TMEM163: variants seen among roughly 807,000 people sequenced by gnomAD.
TMEM163 encodes the protein transmembrane protein 163.
TMEM163 carries 17 observed loss-of-function variants against 29.3 expected under a neutral mutation model. That is an observed-to-expected ratio of 0.58 (90% CI 0.40 to 0.87). TMEM163 has a LOEUF of 0.87. Ranked by LOEUF, TMEM163 falls within the 40% of genes least tolerant of loss-of-function variation. The pLI is 0.00. For missense variants in TMEM163, 303 were observed against 381.5 expected (o/e 0.79, Z 1.71); for synonymous variants, 157 against 160.6 (o/e 0.98, Z 0.17).
At chr2:134,517,596 T>C (rs1680103163) in intron 4 of TMEM163, among the ~76,000 whole-genome samples, 2 of 152,190 alleles carry the variant, frequency 1.3e-5, no homozygotes, top group Admixed American at 6.5e-5. Context: ...CTGGATTCAC[T>C]AAACTGGAAG....
intron 2 of TMEM163, among the ~76,000 whole-genome samples, chr2:134,611,857 G>C (rs1307234460): frequency 1.3e-5 from 2 of 152,134 alleles, no homozygotes; most frequent in Non-Finnish European, 2.9e-5. Flanking sequence ...GGGGGAAACA[G>C]GCAAAAACGA....
At chr2:134,579,573 T>C (rs1055265918) in intron 2 of TMEM163, among the ~76,000 whole-genome samples, 3 of 152,202 alleles carry the variant, frequency 2.0e-5, no homozygotes, top group African/African-American at 4.8e-5. Context: ...TCCATCCTTT[T>C]TTTTCTTTTT....
chr2:134,650,460 G>A (rs1034263610), intron 2 of TMEM163, among the ~76,000 whole-genome samples: 4 of 151,066 alleles, frequency 2.6e-5, no homozygotes, highest in Non-Finnish European at 5.9e-5. Flanking sequence ...AATGAAGACA[G>A]AGAATCTGAC....
rs568577506 is a variant in TMEM163 at position 134,708,866 on chromosome 2, C to T, written c.322+4334G>A. 7.2e-5 allele frequency among the ~76,000 whole-genome samples: 11 copies of T among 152,226 alleles called. No homozygotes were observed. In the East Asian group the frequency reaches 1.5e-3, roughly 21 times the overall value. On this transcript the variant is annotated intron_variant, in intron 2 of 7. Transcript: ENST00000281924. The stretch of plus-strand genomic sequence containing the variant: ...GCCTCCAAAGTGCTGGGATTACAAG[C>T]ATGAGCCATCGCTCCCAGCCAGCTG...
intron 2 of TMEM163, among the ~76,000 whole-genome samples, chr2:134,617,186 C>T (rs376731892): frequency 1.4e-4 from 21 of 152,172 alleles, no homozygotes; most frequent in African/African-American, 4.8e-4. Context: ...ACAAATGGAA[C>T]TATTTGAGGC....
intron 6 of TMEM163, 33 bp downstream of exon 6, chr2:134,466,081 C>A: frequency 6.6e-7 from 1 of 1,514,402 alleles, no homozygotes; most frequent in Non-Finnish European, 9.1e-7. Flanking sequence ...GTGAGCCCAG[C>A]CCCCAGAGAT....
chr2:134,600,402 G>A lies in TMEM163; in HGVS notation c.323-48311C>T, dbSNP rs185192282. ...AATCTAATACCTGAGGGCCTATTAC[G>A]TAACACTTGCCTCCAGATCCATTTC... is the stretch of plus-strand genomic sequence containing the variant. On this transcript the variant is annotated intron_variant, in intron 2 of 7. Transcript: ENST00000281924. 1.3e-3 allele frequency among the ~76,000 whole-genome samples: 196 copies of A among 152,300 alleles called. 1 individual carries two copies. The highest frequency in any genetic ancestry group is 4.4e-3 in the African/African-American group (182 of 41,554).
At chr2:134,580,236 G>T (rs1035569031) in intron 2 of TMEM163, among the ~76,000 whole-genome samples, 3 of 152,340 alleles carry the variant, frequency 2.0e-5, no homozygotes, top group South Asian at 4.1e-4. Flanking sequence ...AAGGTGAAGA[G>T]AGTTAGAATT....
chr2:134,496,478 C>T (rs1679563778), intron 5 of TMEM163, among the ~76,000 whole-genome samples: 1 of 152,214 alleles, frequency 6.6e-6, no homozygotes, highest in African/African-American at 2.4e-5. Flanking sequence ...GCAGAGCCAG[C>T]CTGGCCTCAA....
At chr2:134,493,738 T>G (rs138546301) in intron 5 of TMEM163, among the ~76,000 whole-genome samples, 1 of 152,218 alleles carries the variant, frequency 6.6e-6, no homozygotes, top group East Asian at 1.9e-4. Context: ...TTTTGTTTTC[T>G]TCTAGAAGTT....
intron 5 of TMEM163, among the ~76,000 whole-genome samples, chr2:134,483,254 G>A (rs1446290323): frequency 6.6e-6 from 1 of 152,172 alleles, no homozygotes; most frequent in Non-Finnish European, 1.5e-5. Context: ...CGGAATCTGA[G>A]ATGAGCCACC....
At chr2:134,594,216 G>A (rs912063994) in intron 2 of TMEM163, among the ~76,000 whole-genome samples, 7 of 150,846 alleles carry the variant, frequency 4.6e-5, no homozygotes, top group Non-Finnish European at 1.0e-4. Flanking sequence ...GATGGGCCTG[G>A]AAAGAGTGAA....
chr2:134,585,788 C>T (rs1681810824), intron 2 of TMEM163, among the ~76,000 whole-genome samples: 1 of 151,476 alleles, frequency 6.6e-6, no homozygotes, highest in Non-Finnish European at 1.5e-5. Flanking sequence ...AGAGTCCATG[C>T]TCAATGAATG....
At chr2:134,568,319 G>C (rs996853122) in intron 2 of TMEM163, among the ~76,000 whole-genome samples, 1 of 152,158 alleles carries the variant, frequency 6.6e-6, no homozygotes, top group African/African-American at 2.4e-5. Context: ...GAGGTCAGGA[G>C]TTTGAAACCA....
At chr2:134,518,087 G>A (rs1680114144) in intron 4 of TMEM163, among the ~76,000 whole-genome samples, 1 of 152,204 alleles carries the variant, frequency 6.6e-6, no homozygotes, top group Non-Finnish European at 1.5e-5. Flanking sequence ...AGCAGAAGGA[G>A]AAAATTTTAA....
intron 2 of TMEM163, among the ~76,000 whole-genome samples, chr2:134,696,870 G>A (rs940652079): frequency 1.3e-5 from 2 of 152,136 alleles, no homozygotes; most frequent in Non-Finnish European, 2.9e-5. Context: ...CCACCTCCCA[G>A]GTTCAAGCGA....
chr2:134,516,692 T>TTC lies in TMEM163; in HGVS notation c.459-13696_459-13695insGA, dbSNP rs369974346. ...ATATAGTCATACATATATGCATATA[T>TTC]ATGCATATATTCATATATACATATA... On this transcript the variant is annotated intron_variant, in intron 4 of 7. Transcript: ENST00000281924. Among the ~76,000 whole-genome samples the TTC allele has an allele frequency of 6.3e-4, 82 of 131,006 alleles. 1 individual carries two copies. The highest frequency in any genetic ancestry group is 9.3e-3 in the Middle Eastern group (2 of 214). 85.9% of individuals were successfully genotyped at this position (131,006 alleles called of 152,430 possible). A position where few individuals can be genotyped will look rare whatever the true frequency, so the allele number is the denominator to read the frequency against.
chr2:134,712,608 C>T (rs966260539), intron 2 of TMEM163, among the ~76,000 whole-genome samples: 1 of 152,216 alleles, frequency 6.6e-6, no homozygotes, highest in Admixed American at 6.5e-5. Flanking sequence ...CCAGAAAACA[C>T]ATGCCATCAG....
At chr2:134,524,509 T>C (rs1323749558) in intron 4 of TMEM163, among the ~76,000 whole-genome samples, 2 of 149,978 alleles carry the variant, frequency 1.3e-5, no homozygotes, top group Non-Finnish European at 3.0e-5. Flanking sequence ...TTGCTATTTA[T>C]CCTGATGCCC....
Sources: gnomAD v4.1 joint callset for allele counts (sites outside exome capture counted in the v4.1 genomes callset) on GRCh38, gnomAD v4.1.1 for gene constraint, MANE v1.5 for transcripts, NCBI Gene and HGNC (gene_info 2026-07-23, HGNC 2026-07-21) for gene names.